Variants in TRAPPC9 observed in about 807,000 individuals in gnomAD.
TRAPPC9 encodes IKK2 binding protein.
In TRAPPC9, 83 loss-of-function variants were observed where a neutral mutation model predicts 124.0. That is an observed-to-expected ratio of 0.67 (90% CI 0.56 to 0.80). The LOEUF (loss-of-function observed/expected upper bound fraction) is 0.80. Ranked by LOEUF, TRAPPC9 falls within the 30% of genes least tolerant of loss-of-function variation. The probability of loss-of-function intolerance (pLI) is 0.00; values close to 1 mark genes in which losing one functional copy is unlikely to be tolerated. For missense variants in TRAPPC9, 1,302 were observed against 1,508.3 expected, an observed-to-expected ratio of 0.86 and a Z score of 2.27; for synonymous variants, 638 against 617.5, an observed-to-expected ratio of 1.03 and a Z score of -0.49.
chr8:140,450,386 T>A (rs1267841864), intron 2 of TRAPPC9, among the ~76,000 whole-genome samples: 1 of 152,182 alleles, frequency 6.6e-6, no homozygotes, highest in Non-Finnish European at 1.5e-5. Flanking sequence ...AGAAAGTTTA[T>A]TTTTTCAGAA....
intron 14 of TRAPPC9, among the ~76,000 whole-genome samples, chr8:140,283,453 C>T (rs546814366): frequency 1.3e-5 from 2 of 150,896 alleles, no homozygotes; most frequent in East Asian, 4.0e-4. Flanking sequence ...CGCCACCACG[C>T]CTGGCTAATT....
chr8:139,900,765 C>T (rs531094208), intron 20 of TRAPPC9, among the ~76,000 whole-genome samples: 28 of 151,972 alleles, frequency 1.8e-4, no homozygotes, highest in Non-Finnish European at 3.5e-4. Context: ...GGTAATGTAC[C>T]GCAGTCAAAG....
chr8:140,092,088 A>AC (rs1353199268), intron 17 of TRAPPC9, among the ~76,000 whole-genome samples: 8 of 152,014 alleles, frequency 5.3e-5, no homozygotes, highest in Non-Finnish European at 1.0e-4. Flanking sequence ...AAAAAAAAAA[A>AC]AAAACAAACC....
At chr8:140,193,529 G>A (rs1355236590) in intron 17 of TRAPPC9, among the ~76,000 whole-genome samples, 1 of 148,918 alleles carries the variant, frequency 6.7e-6, no homozygotes, top group Non-Finnish European at 1.5e-5. Flanking sequence ...TATATCACTG[G>A]CAAGTTTAAG....
At chr8:140,001,151 A>G (rs1838368583) in intron 18 of TRAPPC9, among the ~76,000 whole-genome samples, 1 of 152,152 alleles carries the variant, frequency 6.6e-6, no homozygotes, top group Admixed American at 6.5e-5. Context: ...CAAATACCAC[A>G]TGTTCTCACT....
chr8:139,910,148 A>G lies in TRAPPC9; in HGVS notation c.2963T>C (p.Ile988Thr). 2 of 1,613,310 alleles carry G rather than the reference A, an allele frequency of 1.2e-6. No individual in the cohort carries two copies. The highest frequency in any genetic ancestry group is 1.7e-6 in the Non-Finnish European group (2 of 1,179,846). ...CAGGTGGCCCCTGGAAAAGGATATG[A>G]TTCTCCAGCAGATGCCCAGCTTGCT... ...IHSKLGICWR[I>T]PSLKRSGEAS... Residue 988 changes from isoleucine to threonine, a missense_variant and splice_region_variant, in exon 20 of 23, where the codon ATC (isoleucine) becomes ACC (threonine). By Grantham distance (89) the Ile-to-Thr change is moderately conservative (BLOSUM62 -1). Transcript: ENST00000438773.
intron 21 of TRAPPC9, among the ~76,000 whole-genome samples, chr8:139,802,195 T>A (rs1586874992): frequency 6.6e-6 from 1 of 152,160 alleles, no homozygotes; most frequent in Admixed American, 6.5e-5. Flanking sequence ...GGGTGGAGAA[T>A]CTGGCCCTGC....
chr8:139,751,207 G>A (rs1478254646), intron 21 of TRAPPC9, among the ~76,000 whole-genome samples: 1 of 152,212 alleles, frequency 6.6e-6, no homozygotes, highest in East Asian at 1.9e-4. Context: ...ACTCTGTCAG[G>A]TGTTAGTCTG....
At chr8:140,052,638 C>T (rs1185148620) in intron 17 of TRAPPC9, among the ~76,000 whole-genome samples, 2 of 151,970 alleles carry the variant, frequency 1.3e-5, no homozygotes, top group Non-Finnish European at 2.9e-5. Context: ...AAAAATTAGC[C>T]GGGTGTGGTG....
In TRAPPC9 at chr8:140,271,617, C is replaced by T. The variant is rs116722718; in HGVS notation, c.2278+4041G>A. 8.2e-3 allele frequency among the ~76,000 whole-genome samples: 1,246 copies of T among 152,234 alleles called. 22 individuals are homozygous for T. Among genetic ancestry groups the T allele is most frequent in the African/African-American group, 0.028 (1,177 of 41,526 alleles). Reference sequence around the variant, plus strand: ...AAGTCCTCATACAAAAGAGGATATACGAGTGGCCAGAACATTGGAAAAGTG... The same window carrying T: ...AAGTCCTCATACAAAAGAGGATATATGAGTGGCCAGAACATTGGAAAAGTG... On this transcript the variant is annotated intron_variant, in intron 15 of 22. Coordinates refer to ENST00000438773, the MANE Select transcript of TRAPPC9 (RefSeq NM_001160372.4).
At chr8:140,149,737 G>GT (rs2061515298) in intron 17 of TRAPPC9, among the ~76,000 whole-genome samples, 1 of 152,042 alleles carries the variant, frequency 6.6e-6, no homozygotes, top group Non-Finnish European at 1.5e-5. Context: ...TCGAATGTAC[G>GT]TGAGTCATCA....
At chr8:139,888,079 C>T (rs1043110652) in intron 20 of TRAPPC9, among the ~76,000 whole-genome samples, 3 of 152,198 alleles carry the variant, frequency 2.0e-5, no homozygotes, top group Non-Finnish European at 4.4e-5. Context: ...GGCTCCAGTC[C>T]GCACATGCTG....
chr8:140,078,603 T>C (rs1410595840), intron 17 of TRAPPC9, among the ~76,000 whole-genome samples: 1 of 152,040 alleles, frequency 6.6e-6, no homozygotes, highest in Non-Finnish European at 1.5e-5. Flanking sequence ...GGCAAAAACA[T>C]GAATCACAAG....
At chr8:140,232,519 G>C (rs779826878) in intron 16 of TRAPPC9, among the ~76,000 whole-genome samples, 1 of 152,130 alleles carries the variant, frequency 6.6e-6, no homozygotes, top group Non-Finnish European at 1.5e-5. Flanking sequence ...AAGTCCTAAA[G>C]GTGTTCTCTT....
intron 19 of TRAPPC9, among the ~76,000 whole-genome samples, chr8:139,980,123 C>T (rs1587401395): frequency 6.6e-6 from 1 of 151,916 alleles, no homozygotes; most frequent in East Asian, 1.9e-4. Context: ...CAGCTCCATG[C>T]CCCCCCAGAC....
intron 17 of TRAPPC9, among the ~76,000 whole-genome samples, chr8:140,134,557 C>T (rs1473875920): frequency 2.0e-5 from 3 of 152,176 alleles, no homozygotes; most frequent in Non-Finnish European, 2.9e-5. Flanking sequence ...GCCAGCCAAT[C>T]GATTTTCAAC....
intron 21 of TRAPPC9, among the ~76,000 whole-genome samples, chr8:139,755,713 G>C (rs71514652): frequency 7.5e-4 from 102 of 136,904 alleles, no homozygotes; most frequent in Non-Finnish European, 1.2e-3. Context: ...ACAGCATGTC[G>C]CAGGAGGAGC....
intron 21 of TRAPPC9, among the ~76,000 whole-genome samples, chr8:139,859,237 G>A (rs1245856928): frequency 1.3e-5 from 2 of 151,906 alleles, no homozygotes; most frequent in Non-Finnish European, 2.9e-5. Flanking sequence ...GACCTGAGGG[G>A]TCTCTCCGTT....
At chr8:140,454,847 G>A (rs1340999937) in intron 1 of TRAPPC9, among the ~76,000 whole-genome samples, 7 of 151,324 alleles carry the variant, frequency 4.6e-5, no homozygotes, top group Middle Eastern at 3.4e-3. Context: ...GCTGAGGCAC[G>A]GGAATCGCTT....
Sources: gnomAD v4.1 joint callset for allele counts (sites outside exome capture counted in the v4.1 genomes callset) on GRCh38, gnomAD v4.1.1 for gene constraint, MANE v1.5 for transcripts, NCBI Gene and HGNC (gene_info 2026-07-23, HGNC 2026-07-21) for gene names.